RTL4: variants seen among roughly 807,000 people sequenced by gnomAD.
RTL4 encodes the protein retrotransposon Gag-like protein 4.
RTL4 carries 4 observed loss-of-function variants against 5.3 expected under a neutral mutation model. That is an observed-to-expected ratio of 0.75 (90% CI 0.37 to 1.72). The LOEUF (loss-of-function observed/expected upper bound fraction) is 1.72, where lower values mean the gene tolerates loss of function less well. RTL4 is among the 40% of genes most tolerant of loss of function. RTL4 has a pLI of 0.04. For missense variants in RTL4, 260 were observed against 227.1 expected (o/e 1.14, Z -0.93); for synonymous variants, 98 against 87.3 (o/e 1.12, Z -0.68).
At chrX:112,454,479 C>T (rs1174138489), upstream of RTL4, 4 of 333,672 alleles carry the variant, frequency 1.2e-5, no homozygotes, top group Non-Finnish European at 2.1e-5. Context: ...TCTAAGGTAA[C>T]TTATTTCTTC....
the RTL4 span, among the ~76,000 whole-genome samples, chrX:112,096,639 AC>A: frequency 8.9e-6 from 1 of 111,836 alleles, no homozygotes; most frequent in African/African-American, 3.2e-5. Context: ...TTACATCTAC[AC>A]TAAACAATAT....
chrX:112,169,738 T>C, the RTL4 span, among the ~76,000 whole-genome samples: 1 of 111,736 alleles, frequency 8.9e-6, no homozygotes, highest in Non-Finnish European at 1.9e-5. Flanking sequence ...TGACCTCTCC[T>C]GGTTTCAACT....
chrX:112,238,660 G>A, the RTL4 span, among the ~76,000 whole-genome samples: 1 of 111,186 alleles, frequency 9.0e-6, no homozygotes, highest in Admixed American at 9.6e-5. Flanking sequence ...AGGGACCTCG[G>A]GACTTGAGGA....
chrX:112,291,319 C>G, the RTL4 span, among the ~76,000 whole-genome samples: 41 of 107,377 alleles, frequency 3.8e-4, no homozygotes, highest in African/African-American at 1.3e-3. Flanking sequence ...ATGCATTTTG[C>G]AAACAAGATG....
At chrX:112,095,564 CA>C in the RTL4 span, among the ~76,000 whole-genome samples, 1 of 111,193 alleles carries the variant, frequency 9.0e-6, no homozygotes, top group Non-Finnish European at 1.9e-5. Context: ...GAAATGATGG[CA>C]GGGGAAATCT....
At chrX:112,382,793 T>C in the RTL4 span, among the ~76,000 whole-genome samples, 9 of 111,917 alleles carry the variant, frequency 8.0e-5, no homozygotes, top group Admixed American at 5.7e-4. Context: ...TAACAGCAAG[T>C]CCAGTAAGTG....
the RTL4 span, among the ~76,000 whole-genome samples, chrX:112,124,391 T>C: frequency 2.9e-4 from 32 of 111,521 alleles, no homozygotes; most frequent in Non-Finnish European, 5.6e-4. Flanking sequence ...TGCAGCACTA[T>C]TTACAATAGC....
At chrX:112,331,692 T>A in the RTL4 span, among the ~76,000 whole-genome samples, 2 of 105,051 alleles carry the variant, frequency 1.9e-5, no homozygotes, top group African/African-American at 7.0e-5. Context: ...CATGCTGCTA[T>A]AAAGACACAT....
the RTL4 span, among the ~76,000 whole-genome samples, chrX:112,283,599 G>C: frequency 9.0e-6 from 1 of 111,512 alleles, no homozygotes; most frequent in African/African-American, 3.3e-5. Flanking sequence ...TCACAAAGCT[G>C]CTACAGCAAG....
chrX:112,245,163 A>G, the RTL4 span, among the ~76,000 whole-genome samples: 1 of 109,789 alleles, frequency 9.1e-6, no homozygotes, highest in African/African-American at 3.3e-5. Flanking sequence ...GAATCTGACA[A>G]TTAGGTGTCT....
the RTL4 span, among the ~76,000 whole-genome samples, chrX:112,413,239 C>T: frequency 9.0e-6 from 1 of 111,479 alleles, no homozygotes; most frequent in African/African-American, 3.3e-5. Flanking sequence ...GAAAAGAGAA[C>T]CCATGCACCT....
At chrX:112,284,209 A>G in the RTL4 span, among the ~76,000 whole-genome samples, 1,407 of 107,966 alleles carry the variant, frequency 0.013, 29 homozygotes, top group African/African-American at 0.043. Flanking sequence ...TTTTATATCT[A>G]TTTAGCTTCT....
chrX:112,312,821 C>T, the RTL4 span, among the ~76,000 whole-genome samples: 1 of 111,284 alleles, frequency 9.0e-6, no homozygotes, highest in Non-Finnish European at 1.9e-5. Flanking sequence ...ACTCTGTCTC[C>T]CCAAACCTTT....
the RTL4 span, among the ~76,000 whole-genome samples, chrX:112,388,764 A>C: frequency 8.9e-6 from 1 of 112,103 alleles, no homozygotes; most frequent in African/African-American, 3.2e-5. Context: ...GATGAAGCCT[A>C]CTTGGTTGTG....
At chrX:112,419,348 T>TC in the RTL4 span, among the ~76,000 whole-genome samples, 1 of 22,379 alleles carries the variant, frequency 4.5e-5, no homozygotes, top group Non-Finnish European at 1.0e-4. Context: ...TTTTTTTTTT[T>TC]TTTTTTTTTT....
chrX:112,278,829 A>C, the RTL4 span, among the ~76,000 whole-genome samples: 5,249 of 107,857 alleles, frequency 0.049, 305 homozygotes, highest in African/African-American at 0.17. Context: ...TCCTCCTCCC[A>C]AAAAAAAAGA....
the RTL4 span, among the ~76,000 whole-genome samples, chrX:112,289,799 A>T: frequency 9.0e-6 from 1 of 110,775 alleles, no homozygotes; most frequent in Admixed American, 9.6e-5. Flanking sequence ...GTGTGTGTAT[A>T]AAATACACAT....
At chrX:112,342,007 A>G in the RTL4 span, among the ~76,000 whole-genome samples, 1 of 111,361 alleles carries the variant, frequency 9.0e-6, no homozygotes, top group Non-Finnish European at 1.9e-5. Flanking sequence ...TTGCATTTTA[A>G]GAGGACTCCG....
chrX:112,443,506 C>T, the RTL4 span, among the ~76,000 whole-genome samples: 292 of 111,701 alleles, frequency 2.6e-3, 1 homozygote, highest in African/African-American at 9.2e-3. Flanking sequence ...CTTGAAGAAC[C>T]CCCAAGCTGT....
Sources: gnomAD v4.1 joint callset for allele counts (sites outside exome capture counted in the v4.1 genomes callset) on GRCh38, gnomAD v4.1.1 for gene constraint, MANE v1.5 for transcripts, NCBI Gene and HGNC (gene_info 2026-07-23, HGNC 2026-07-21) for gene names.